The following SLC7A1 variants were observed in gnomAD, a reference collection of about 807,000 sequenced individuals.
The protein encoded by SLC7A1 is high affinity cationic amino acid transporter 1.
In SLC7A1, 10 loss-of-function variants were observed where a neutral mutation model predicts 53.9. The observed-to-expected ratio is 0.19, with a 90% CI of 0.11 to 0.31. SLC7A1 has a LOEUF of 0.31. Ranked by LOEUF, SLC7A1 falls within the 10% of genes least tolerant of loss-of-function variation. The pLI, the probability that SLC7A1 is intolerant of heterozygous loss-of-function variation, is 1.00. For missense variants in SLC7A1, 525 were observed against 827.2 expected, an observed-to-expected ratio of 0.63 and a Z score of 4.48; for synonymous variants, 342 against 338.7, an observed-to-expected ratio of 1.01 and a Z score of -0.11.
intron 2 of SLC7A1, among the ~76,000 whole-genome samples, chr13:29,537,669 C>A (rs938972188): frequency 2.6e-5 from 4 of 152,198 alleles, no homozygotes; most frequent in Non-Finnish European, 5.9e-5. Flanking sequence ...CTTCACAATT[C>A]TTCTATAAAT....
chr13:29,511,373 C>T lies in SLC7A1; in HGVS notation c.*3107G>A, dbSNP rs1398403900. The stretch of plus-strand genomic sequence containing the variant: ...AACCAAAAGTGGGGGGAGATCTCAG[C>T]AATTCTGACAACAGTATACATTTAG... On this transcript the variant is annotated 3_prime_UTR_variant, in exon 13 of 13. Coordinates refer to ENST00000380752, the MANE Select transcript of SLC7A1 (RefSeq NM_003045.5). The T allele has an allele frequency of 6.6e-6, 1 of 152,210 alleles. No individual in the cohort carries two copies. Among genetic ancestry groups the T allele is most frequent in the Non-Finnish European group, 1.5e-5 (1 of 68,056 alleles). The allele number at this position is 152,210 out of a possible 1,614,324, so 9.4% of individuals were successfully genotyped here.
intron 1 of SLC7A1, among the ~76,000 whole-genome samples, chr13:29,569,198 C>T (rs564053233): frequency 6.6e-6 from 1 of 152,244 alleles, no homozygotes; most frequent in South Asian, 2.1e-4. Context: ...CCCGAGCTCT[C>T]TGGGCACTGG....
intron 1 of SLC7A1, among the ~76,000 whole-genome samples, chr13:29,576,437 G>A (rs1177287438): frequency 6.6e-6 from 1 of 152,068 alleles, no homozygotes; most frequent in Non-Finnish European, 1.5e-5. Flanking sequence ...TGTTGAAATT[G>A]GGAATCAGTT....
At chr13:29,594,086 TC>T (rs1425209080) in intron 1 of SLC7A1, among the ~76,000 whole-genome samples, 4 of 152,180 alleles carry the variant, frequency 2.6e-5, no homozygotes, top group Non-Finnish European at 5.9e-5. Context: ...TCCACTGAGA[TC>T]AACTAAAAAT....
chr13:29,588,508 C>T (rs1285311962), intron 1 of SLC7A1, among the ~76,000 whole-genome samples: 1 of 144,142 alleles, frequency 6.9e-6, no homozygotes, highest in Non-Finnish European at 1.5e-5. Flanking sequence ...TCTTTTCTTT[C>T]TTTTTTTTTT....
intron 7 of SLC7A1, 93 bp from the exon 8 acceptor site, chr13:29,522,549 G>C: frequency 7.0e-7 from 1 of 1,420,134 alleles, no homozygotes; most frequent in South Asian, 1.2e-5. Flanking sequence ...ACGGAGGAGA[G>C]GGAGTCTGAG....
chr13:29,572,134 G>A lies in SLC7A1; in HGVS notation c.-114-18274C>T, dbSNP rs143756991. ...GGCATGCATGACACTGCCCCAAAAC[G>A]CAGGTGGTGAGGGTGCAGCGGCCGC... On this transcript the variant is annotated intron_variant, in intron 1 of 12. Coordinates refer to ENST00000380752, the MANE Select transcript of SLC7A1 (RefSeq NM_003045.5). Among the ~76,000 whole-genome samples, 63 of 152,334 alleles carry A rather than the reference G, an allele frequency of 4.1e-4. 1 individual carries two copies. The highest frequency in any genetic ancestry group is 6.5e-4 in the Admixed American group (10 of 15,302).
intron 11 of SLC7A1, chr13:29,516,732 T>C (rs1435399858): frequency 5.7e-6 from 1 of 176,286 alleles, no homozygotes; most frequent in East Asian, 1.6e-4. Flanking sequence ...CTATTATGTA[T>C]AAACTTAGGG....
chr13:29,566,241 T>C (rs1313068443), intron 1 of SLC7A1, among the ~76,000 whole-genome samples: 6 of 152,140 alleles, frequency 3.9e-5, no homozygotes, highest in Non-Finnish European at 7.3e-5. Context: ...CCTCAAAAAG[T>C]GCACAGAGGT....
rs201181356 is a variant in SLC7A1 at position 29,536,637 on chromosome 13, CTAAAT to C, written c.-14-440_-14-436del. ...ACCAAACCATATCTTAATTTCATTA[CTAAAT>C]TAAATTATTAAATTATTAAAACTCA... On this transcript the variant is annotated intron_variant, in intron 2 of 12. Transcript: ENST00000380752. Among the ~76,000 whole-genome samples the C allele has an allele frequency of 5.7e-3, 875 of 152,304 alleles. 23 individuals carry two copies. The highest frequency in any genetic ancestry group is 0.039 in the Admixed American group (597 of 15,298).
At chr13:29,520,257 T>C (rs1868573250) in intron 8 of SLC7A1, among the ~76,000 whole-genome samples, 1 of 152,130 alleles carries the variant, frequency 6.6e-6, no homozygotes, top group South Asian at 2.1e-4. Context: ...TACTCACTAT[T>C]GAACAGGGCA....
Position 29,510,521 on chromosome 13 carries a change from C to T in SLC7A1, c.*3959G>A, listed in dbSNP as rs1477743343. On this transcript the variant is annotated 3_prime_UTR_variant, in exon 13 of 13. Coordinates refer to ENST00000380752, the MANE Select transcript of SLC7A1 (RefSeq NM_003045.5). ...GCAAACAGATATATTTTAAATTACA[C>T]GTAACAATTATACATAGTGTATATC... 2.6e-5 allele frequency: 4 copies of T among 152,182 alleles called. No homozygotes were observed. The highest frequency in any genetic ancestry group is 4.1e-4 in the South Asian group (2 of 4,832). The allele number at this position is 152,182 out of a possible 1,614,324, so 9.4% of individuals were successfully genotyped here.
rs909272127 is a variant in SLC7A1 at position 29,593,442 on chromosome 13, C to T, written c.-115+1974G>A. ...AAGATGCCTCTGGAAGAGATAACTC[C>T]GAGACTCAAGTATCTCCAAGGTTAG... On this transcript the variant is annotated intron_variant, in intron 1 of 12. Transcript: ENST00000380752. 3.2e-4 allele frequency among the ~76,000 whole-genome samples: 49 copies of T among 152,134 alleles called. 1 individual carries two copies. The highest frequency in any genetic ancestry group is 9.7e-5 in the African/African-American group (4 of 41,424).
intron 6 of SLC7A1, 143 bp from the exon 7 acceptor site, chr13:29,523,631 TG>T (rs1160380358): frequency 1.4e-5 from 9 of 645,186 alleles, no homozygotes; most frequent in Non-Finnish European, 1.9e-5. Flanking sequence ...CTGTGGGCAC[TG>T]GGGCCTCCTG....
intron 1 of SLC7A1, among the ~76,000 whole-genome samples, chr13:29,582,009 T>C (rs1350816223): frequency 1.3e-5 from 2 of 152,360 alleles, no homozygotes; most frequent in South Asian, 4.1e-4. Flanking sequence ...GCAACTCATG[T>C]TTATTGCCCT....
rs1344279814 is a variant in SLC7A1, at chr13:29,527,400, G to A, written c.704+3138C>T. ...AAGATTGGGTGTTACTGATGCCAGTGGCAGAGTATCAACACAAAATAACCA... is the reference window on the plus strand; with the variant it reads ...AAGATTGGGTGTTACTGATGCCAGTAGCAGAGTATCAACACAAAATAACCA... On this transcript the variant is annotated intron_variant, in intron 5 of 12. Transcript: ENST00000380752. Among the ~76,000 whole-genome samples the A allele has an allele frequency of 2.0e-5, 3 of 152,172 alleles. No individual in the cohort carries two copies. The South Asian group carries it at 6.2e-4, about 32-fold the overall frequency.
intron 1 of SLC7A1, among the ~76,000 whole-genome samples, chr13:29,564,352 G>A (rs925740933): frequency 7.9e-5 from 12 of 152,144 alleles, no homozygotes; most frequent in Non-Finnish European, 1.6e-4. Flanking sequence ...TCTTAAATGA[G>A]TATGTAATCT....
chr13:29,562,145 T>C (rs1870787222), intron 1 of SLC7A1, among the ~76,000 whole-genome samples: 1 of 152,222 alleles, frequency 6.6e-6, no homozygotes, highest in Admixed American at 6.5e-5. Context: ...AGTTTCCCAA[T>C]GATCACGCCC....
At chr13:29,541,740 G>A (rs1869675980) in intron 2 of SLC7A1, among the ~76,000 whole-genome samples, 2 of 152,006 alleles carry the variant, frequency 1.3e-5, no homozygotes, top group South Asian at 4.2e-4. Context: ...AAGAGAAGTG[G>A]AAAAAATGAG....
Sources: allele counts gnomAD v4.1 joint callset (sites outside exome capture counted in the v4.1 genomes callset), GRCh38; gene constraint gnomAD v4.1.1; transcripts MANE v1.5; gene names NCBI Gene and HGNC (gene_info 2026-07-23, HGNC 2026-07-21).